OPCML: variants seen among roughly 807,000 people sequenced by gnomAD.
OPCML encodes opioid-binding protein/cell adhesion molecule.
Under a neutral mutation model 37.8 loss-of-function variants are expected in OPCML, and 13 were observed. That is an observed-to-expected ratio of 0.34 (90% CI 0.22 to 0.55). The LOEUF (loss-of-function observed/expected upper bound fraction) is 0.55. OPCML is among the 20% of genes least tolerant of loss of function. OPCML has a pLI of 0.91. For missense variants in OPCML, 341 were observed against 435.6 expected (o/e 0.78, Z 1.93); for synonymous variants, 176 against 168.8 (o/e 1.04, Z -0.33).
intron 1 of OPCML, among the ~76,000 whole-genome samples, chr11:133,236,774 T>C (rs1216200100): frequency 6.6e-6 from 1 of 152,238 alleles, no homozygotes; most frequent in Non-Finnish European, 1.5e-5. Context: ...AGTTACTTCC[T>C]CCTTCCTTTG....
At chr11:132,803,756 T>C (rs1565875386) in intron 2 of OPCML, among the ~76,000 whole-genome samples, 3 of 152,228 alleles carry the variant, frequency 2.0e-5, no homozygotes, top group Admixed American at 2.0e-4. Context: ...AATAACTTTA[T>C]AGATATATAA....
intron 1 of OPCML, among the ~76,000 whole-genome samples, chr11:133,268,741 A>G (rs913093832): frequency 1.3e-5 from 2 of 152,240 alleles, no homozygotes; most frequent in African/African-American, 4.8e-5. Context: ...TATAAAAGAG[A>G]ATTTATAGAT....
chr11:133,028,767 C>G (rs1947612114), intron 1 of OPCML, among the ~76,000 whole-genome samples: 1 of 151,774 alleles, frequency 6.6e-6, no homozygotes, highest in Non-Finnish European at 1.5e-5. Flanking sequence ...CTAGAAGAAA[C>G]CTAGGAAATA....
intron 1 of OPCML, among the ~76,000 whole-genome samples, chr11:133,140,531 T>TAATAAG (rs1272061685): frequency 0.019 from 1,641 of 88,040 alleles, 22 homozygotes; most frequent in Non-Finnish European, 0.02. Flanking sequence ...ATAATAATAA[T>TAATAAG]AAGAAGAAGA....
At chr11:133,110,301 C>A (rs1195467166) in intron 1 of OPCML, among the ~76,000 whole-genome samples, 2 of 152,140 alleles carry the variant, frequency 1.3e-5, no homozygotes, top group Non-Finnish European at 2.9e-5. Flanking sequence ...GACTATGGCA[C>A]TATGTTTAAA....
chr11:133,063,602 C>T (rs1355945469), intron 1 of OPCML, among the ~76,000 whole-genome samples: 2 of 150,974 alleles, frequency 1.3e-5, no homozygotes, highest in Admixed American at 6.6e-5. Context: ...GCTCTTGTCA[C>T]CCAGGCTGGA....
intron 1 of OPCML, among the ~76,000 whole-genome samples, chr11:133,040,651 C>T (rs1268911278): frequency 6.6e-6 from 1 of 152,090 alleles, no homozygotes; most frequent in Non-Finnish European, 1.5e-5. Context: ...TCGTCCAGGC[C>T]TGTGCCCATC....
intron 1 of OPCML, among the ~76,000 whole-genome samples, chr11:133,409,625 T>C (rs1201278048): frequency 1.3e-5 from 2 of 152,194 alleles, no homozygotes; most frequent in African/African-American, 2.4e-5. Context: ...TCCCAATTCA[T>C]AGCTGATGAA....
At chr11:133,157,492 T>G (rs1319416152) in intron 1 of OPCML, among the ~76,000 whole-genome samples, 2 of 152,018 alleles carry the variant, frequency 1.3e-5, no homozygotes, top group East Asian at 3.9e-4. Flanking sequence ...ACTCACAGAG[T>G]TGACTTTTAT....
intron 2 of OPCML, among the ~76,000 whole-genome samples, chr11:132,803,038 C>A (rs1034759119): frequency 1.3e-5 from 2 of 152,162 alleles, no homozygotes; most frequent in African/African-American, 2.4e-5. Context: ...CTCTAACAAG[C>A]AACTGTCGTT....
At chr11:132,899,632 A>G (rs986702388) in intron 2 of OPCML, among the ~76,000 whole-genome samples, 2 of 152,164 alleles carry the variant, frequency 1.3e-5, no homozygotes, top group Admixed American at 6.5e-5. Context: ...TTAGGTGTCA[A>G]TTTGACTGGA....
In OPCML at chr11:132,469,277, T is replaced by C. The variant is rs531819443; in HGVS notation, c.506-31918A>G. 1.2e-4 allele frequency among the ~76,000 whole-genome samples: 18 copies of C among 152,324 alleles called. 1 individual carries two copies. Among genetic ancestry groups the C allele is most frequent in the African/African-American group, 2.9e-4 (12 of 41,570 alleles). ...ACAATTTAAAAGTGAAACAAGGTGA[T>C]GCTTTAGAGAATAACTGGGTGCGAC... is the stretch of plus-strand genomic sequence containing the variant. On this transcript the variant is annotated intron_variant, in intron 4 of 7. Coordinates refer to ENST00000524381, the MANE Select transcript of OPCML (RefSeq NM_001012393.5).
At chr11:132,573,999 G>A (rs570913046) in intron 3 of OPCML, among the ~76,000 whole-genome samples, 6 of 151,866 alleles carry the variant, frequency 4.0e-5, no homozygotes, top group Admixed American at 6.6e-5. Context: ...TAGCTTATCC[G>A]ATTAATTGGC....
rs577725810 is a variant in OPCML at position 133,313,746 on chromosome 11, C to G, written c.61+218518G>C. 5.9e-5 allele frequency among the ~76,000 whole-genome samples: 9 copies of G among 152,284 alleles called. No individual in the cohort carries two copies. The South Asian group carries it at 1.9e-3, about 32-fold the overall frequency. ...CTCCTAGAGTCCCAGAAACACACACCATCCTACCGACACCCTGATTTTAGC... is the reference window on the plus strand; with the variant it reads ...CTCCTAGAGTCCCAGAAACACACACGATCCTACCGACACCCTGATTTTAGC... On this transcript the variant is annotated intron_variant, in intron 1 of 7. Coordinates refer to ENST00000524381, the MANE Select transcript of OPCML (RefSeq NM_001012393.5).
chr11:133,428,621 TAAACA>T (rs1474830182), intron 1 of OPCML, among the ~76,000 whole-genome samples: 1 of 152,148 alleles, frequency 6.6e-6, no homozygotes, highest in South Asian at 2.1e-4. Flanking sequence ...AGGATTAACT[TAAACA>T]AGACACATGT....
chr11:133,216,649 C>T (rs1198385321), intron 1 of OPCML, among the ~76,000 whole-genome samples: 1 of 151,908 alleles, frequency 6.6e-6, no homozygotes, highest in African/African-American at 2.4e-5. Flanking sequence ...AATTAAGGCT[C>T]AATTAAATAA....
At chr11:132,495,767 C>T (rs928233460) in intron 4 of OPCML, among the ~76,000 whole-genome samples, 2 of 151,274 alleles carry the variant, frequency 1.3e-5, no homozygotes, top group South Asian at 2.1e-4. Flanking sequence ...TAGTGGCGGG[C>T]GCCTGTGGTC....
At chr11:132,932,063 A>G (rs947162905) in intron 2 of OPCML, among the ~76,000 whole-genome samples, 1 of 152,230 alleles carries the variant, frequency 6.6e-6, no homozygotes, top group African/African-American at 2.4e-5. Context: ...TGAGGTACCT[A>G]GTGTGGTCAA....
chr11:133,126,138 G>A (rs1949511281), intron 1 of OPCML, among the ~76,000 whole-genome samples: 1 of 151,696 alleles, frequency 6.6e-6, no homozygotes, highest in Admixed American at 6.6e-5. Flanking sequence ...CTCACATAGA[G>A]GTTGAAAAGT....
Sources: gnomAD v4.1 joint callset for allele counts (sites outside exome capture counted in the v4.1 genomes callset) on GRCh38, gnomAD v4.1.1 for gene constraint, MANE v1.5 for transcripts, NCBI Gene and HGNC (gene_info 2026-07-23, HGNC 2026-07-21) for gene names.